GALNT13: variants seen among roughly 807,000 people sequenced by gnomAD.
GALNT13 encodes polypeptide N-acetylgalactosaminyltransferase 13, also known as UDP-GalNAc:polypeptide N-acetylgalactosaminyltransferase 13.
In GALNT13, 28 loss-of-function variants were observed where a neutral mutation model predicts 64.2. The observed-to-expected ratio is 0.44, with a 90% CI of 0.32 to 0.60. The LOEUF (loss-of-function observed/expected upper bound fraction) is 0.60, where lower values mean the gene tolerates loss of function less well. Among genes scored for constraint, GALNT13 ranks in the 20% least tolerant of loss-of-function variants. The probability of loss-of-function intolerance (pLI) is 0.05; values close to 1 mark genes in which losing one functional copy is unlikely to be tolerated. For synonymous variants in GALNT13, 214 were observed against 224.6 expected, an observed-to-expected ratio of 0.95 and a Z score of 0.42; for missense variants, 577 against 669.8, an observed-to-expected ratio of 0.86 and a Z score of 1.53.
At chr2:154,302,583 T>C (rs1172006333) in intron 9 of GALNT13, among the ~76,000 whole-genome samples, 1 of 152,160 alleles carries the variant, frequency 6.6e-6, no homozygotes, top group Non-Finnish European at 1.5e-5. Flanking sequence ...TGAACCAAAT[T>C]TGAGTGAACC....
At position 153,912,436 on chromosome 2, in the gene GALNT13, C is replaced by A. The variant is rs191146939; in HGVS notation, c.-105+11429C>A. On this transcript the variant is annotated intron_variant, in intron 2 of 12. Coordinates refer to ENST00000392825, the MANE Select transcript of GALNT13 (RefSeq NM_052917.4). Reference sequence around the variant, plus strand: ...AGCCATCTGACCTCAGTTAACAACTCTTCTTGGAGAACTAGGGTGGTCATT... The same window carrying A: ...AGCCATCTGACCTCAGTTAACAACTATTCTTGGAGAACTAGGGTGGTCATT... Among the ~76,000 whole-genome samples, 4 of 152,266 alleles carry A rather than the reference C, an allele frequency of 2.6e-5. No homozygotes were observed. In the East Asian group the frequency reaches 5.8e-4, roughly 22 times the overall value.
rs565024280 is a variant in GALNT13, at chr2:154,344,308, C to A, written c.1156+42719C>A. Among the ~76,000 whole-genome samples, 6 of 98,692 alleles carry A rather than the reference C, an allele frequency of 6.1e-5. No individual in the cohort carries two copies. The South Asian group carries it at 1.3e-3, about 21-fold the overall frequency. The allele number at this position is 98,692 out of a possible 152,430, so 64.7% of individuals were successfully genotyped here. A position where few individuals can be genotyped will look rare whatever the true frequency, so the allele number is the denominator to read the frequency against. On this transcript the variant is annotated intron_variant, in intron 9 of 12. Transcript: ENST00000392825. ...CGCCTGACAAAGACTTCCAGCAAAC[C>A]ATTATGTTGTTGTTCTGTCATCCTT... is the stretch of plus-strand genomic sequence containing the variant.
chr2:153,863,059 T>C, the GALNT13 span, among the ~76,000 whole-genome samples: 2 of 152,134 alleles, frequency 1.3e-5, no homozygotes, highest in African/African-American at 4.8e-5. Flanking sequence ...GATATTTAGA[T>C]GGGATGCAGG....
chr2:154,043,414 TTATA>T (rs1179722579), intron 3 of GALNT13, among the ~76,000 whole-genome samples: 1,276 of 78,042 alleles, frequency 0.016, 16 homozygotes, highest in Admixed American at 0.037. Flanking sequence ...ATAAGGACTT[TTATA>T]TATATATATA....
intron 2 of GALNT13, among the ~76,000 whole-genome samples, chr2:153,936,291 A>C (rs1690907506): frequency 6.6e-6 from 1 of 152,240 alleles, no homozygotes. Flanking sequence ...GACTACAGGA[A>C]TATGTGCATA....
At chr2:153,295,870 A>G in the GALNT13 span, among the ~76,000 whole-genome samples, 1 of 152,230 alleles carries the variant, frequency 6.6e-6, no homozygotes, top group Non-Finnish European at 1.5e-5. Flanking sequence ...GAAGGCTAAT[A>G]AAATGTCTCC....
chr2:153,448,897 G>A, the GALNT13 span, among the ~76,000 whole-genome samples: 1 of 152,130 alleles, frequency 6.6e-6, no homozygotes, highest in African/African-American at 2.4e-5. Context: ...AAGTAATTAA[G>A]GTTAAACGAG....
intron 12 of GALNT13, among the ~76,000 whole-genome samples, chr2:154,440,517 T>C (rs2105476607): frequency 6.6e-6 from 1 of 152,230 alleles, no homozygotes; most frequent in East Asian, 1.9e-4. Flanking sequence ...AATTTACTCT[T>C]TTGGATGACT....
At chr2:154,171,629 A>G (rs16836176) in intron 4 of GALNT13, among the ~76,000 whole-genome samples, 3,938 of 152,136 alleles carry the variant, frequency 0.026, 90 homozygotes, top group Non-Finnish European at 0.039. Flanking sequence ...CTGCTTTGGA[A>G]CACTCTGAAG....
chr2:153,669,898 G>C, the GALNT13 span, among the ~76,000 whole-genome samples: 1 of 151,210 alleles, frequency 6.6e-6, no homozygotes, highest in Admixed American at 6.7e-5. Context: ...GGTCCCTCAT[G>C]CATGGAGCCT....
the GALNT13 span, among the ~76,000 whole-genome samples, chr2:153,677,587 A>T: frequency 3.9e-5 from 6 of 152,094 alleles, no homozygotes; most frequent in South Asian, 2.1e-4. Flanking sequence ...ACCAAAAAAA[A>T]GCCTGAATAT....
chr2:154,061,694 A>G (rs1043670748), intron 3 of GALNT13, among the ~76,000 whole-genome samples: 1 of 152,136 alleles, frequency 6.6e-6, no homozygotes, highest in Non-Finnish European at 1.5e-5. Context: ...CTTCTAATTC[A>G]AAGTGTTTTT....
chr2:154,229,628 A>C (rs17808949), intron 4 of GALNT13, among the ~76,000 whole-genome samples: 6,346 of 152,182 alleles, frequency 0.042, 192 homozygotes, highest in Non-Finnish European at 0.059. Context: ...CCAATGGAGA[A>C]AATTAGGATT....
At chr2:153,226,617 T>C in the GALNT13 span, among the ~76,000 whole-genome samples, 1,901 of 152,288 alleles carry the variant, frequency 0.012, 16 homozygotes, top group Non-Finnish European at 0.022. Flanking sequence ...AAGGGCATTC[T>C]ACAAAATACC....
intron 9 of GALNT13, among the ~76,000 whole-genome samples, chr2:154,366,568 A>G (rs1229032630): frequency 6.6e-6 from 1 of 152,198 alleles, no homozygotes. Flanking sequence ...AAGCAAATTC[A>G]AATCTGCTCC....
chr2:153,786,305 C>G, the GALNT13 span, among the ~76,000 whole-genome samples: 2 of 152,026 alleles, frequency 1.3e-5, no homozygotes, highest in South Asian at 4.1e-4. Context: ...AGTGCGTAGT[C>G]ACTACGCTGA....
the GALNT13 span, among the ~76,000 whole-genome samples, chr2:153,274,254 TG>T: frequency 6.6e-6 from 1 of 152,156 alleles, no homozygotes; most frequent in Non-Finnish European, 1.5e-5. Flanking sequence ...CTGCCGTTAT[TG>T]GAGACTTGGC....
At position 154,079,040 on chromosome 2, in the gene GALNT13, A is replaced by G. The variant is rs1237995878; in HGVS notation, c.143-61297A>G. On this transcript the variant is annotated intron_variant, in intron 3 of 12. Transcript: ENST00000392825. ...AAGATAATTTCCTTGCTAAGTGACT[A>G]TAATGATTACAACTCATAACTGTAG... Among the ~76,000 whole-genome samples the G allele has an allele frequency of 4.0e-5, 6 of 151,696 alleles. 1 individual carries two copies. Among genetic ancestry groups the G allele is most frequent in the Non-Finnish European group, 1.5e-5 (1 of 67,754 alleles).
At chr2:153,275,757 AC>A in the GALNT13 span, among the ~76,000 whole-genome samples, 1 of 152,160 alleles carries the variant, frequency 6.6e-6, no homozygotes, top group Non-Finnish European at 1.5e-5. Flanking sequence ...TTTTGCCATT[AC>A]AATAATATAG....
Sources: gnomAD v4.1 joint callset for allele counts (sites outside exome capture counted in the v4.1 genomes callset) on GRCh38, gnomAD v4.1.1 for gene constraint, MANE v1.5 for transcripts, NCBI Gene and HGNC (gene_info 2026-07-23, HGNC 2026-07-21) for gene names.